ROBO2: variants seen among roughly 807,000 people sequenced by gnomAD.
The protein encoded by ROBO2 is roundabout homolog 2.
In ROBO2, 53 loss-of-function variants were observed where a neutral mutation model predicts 160.8. That is an observed-to-expected ratio of 0.33 (90% CI 0.26 to 0.41). ROBO2 has a LOEUF of 0.41. Ranked by LOEUF, ROBO2 falls within the 10% of genes least tolerant of loss-of-function variation. The probability of loss-of-function intolerance (pLI) is 1.00; values close to 1 mark genes in which losing one functional copy is unlikely to be tolerated. For synonymous variants in ROBO2, 664 were observed against 611.7 expected (o/e 1.09, Z -1.26); for missense variants, 1,577 against 1,722.4 (o/e 0.92, Z 1.49).
chr3:77,164,256 C>G (rs942538583), intron 2 of ROBO2, among the ~76,000 whole-genome samples: 3 of 152,150 alleles, frequency 2.0e-5, no homozygotes, highest in Non-Finnish European at 4.4e-5. Flanking sequence ...TTGAACCAGA[C>G]GTAGAAAATG....
chr3:76,553,874 T>C (rs1353000374), intron 2 of ROBO2, among the ~76,000 whole-genome samples: 1 of 152,206 alleles, frequency 6.6e-6, no homozygotes, highest in Non-Finnish European at 1.5e-5. Flanking sequence ...AAATGCTTGC[T>C]AATGCTCATT....
intron 2 of ROBO2, among the ~76,000 whole-genome samples, chr3:76,647,099 C>A (rs2091008141): frequency 6.6e-6 from 1 of 152,122 alleles, no homozygotes; most frequent in South Asian, 2.1e-4. Context: ...GAGGAGGCTG[C>A]GTTGCTCGTC....
chr3:76,336,545 A>G (rs1470209683), intron 2 of ROBO2, among the ~76,000 whole-genome samples: 1 of 152,206 alleles, frequency 6.6e-6, no homozygotes, highest in Non-Finnish European at 1.5e-5. Context: ...TTTGAAGAAT[A>G]CTGCAGTGGC....
intron 2 of ROBO2, among the ~76,000 whole-genome samples, chr3:76,602,712 G>T (rs2087251908): frequency 6.6e-6 from 1 of 151,544 alleles, no homozygotes; most frequent in African/African-American, 2.4e-5. Flanking sequence ...GATTTGGGTG[G>T]GGACTCCCAC....
At chr3:77,136,699 T>C (rs1228109106) in intron 2 of ROBO2, among the ~76,000 whole-genome samples, 3 of 150,992 alleles carry the variant, frequency 2.0e-5, no homozygotes, top group East Asian at 2.0e-4. Context: ...TGCAGTGGCA[T>C]GGTCTTGGCT....
chr3:76,948,071 G>A (rs188669570), intron 2 of ROBO2, among the ~76,000 whole-genome samples: 2 of 152,118 alleles, frequency 1.3e-5, no homozygotes, highest in African/African-American at 4.8e-5. Flanking sequence ...TCCATTTTAG[G>A]TTATCTGAAA....
chr3:76,148,321 T>G (rs1430203003), intron 2 of ROBO2, among the ~76,000 whole-genome samples: 1 of 152,066 alleles, frequency 6.6e-6, no homozygotes, highest in Non-Finnish European at 1.5e-5. Context: ...ATACACCATC[T>G]ATCTCATCCC....
intron 2 of ROBO2, among the ~76,000 whole-genome samples, chr3:77,432,856 G>C (rs565345650): frequency 6.6e-6 from 1 of 152,106 alleles, no homozygotes; most frequent in Admixed American, 6.5e-5. Context: ...GTATTTTCCC[G>C]TCCCTCCAGA....
intron 2 of ROBO2, among the ~76,000 whole-genome samples, chr3:76,077,068 G>A (rs2068666433): frequency 6.6e-6 from 1 of 152,068 alleles, no homozygotes; most frequent in Non-Finnish European, 1.5e-5. Flanking sequence ...TTTTATTTTA[G>A]TTGTTGTTGA....
intron 2 of ROBO2, among the ~76,000 whole-genome samples, chr3:77,233,369 A>T (rs955869944): frequency 2.6e-5 from 4 of 152,156 alleles, no homozygotes; most frequent in Admixed American, 2.6e-4. Context: ...TACAGGTAGC[A>T]CATCTGAAGC....
At chr3:76,627,484 G>A (rs994248915) in intron 2 of ROBO2, among the ~76,000 whole-genome samples, 1 of 152,218 alleles carries the variant, frequency 6.6e-6, no homozygotes, top group Non-Finnish European at 1.5e-5. Context: ...GCATGCAGAT[G>A]ATGGCTGCTA....
intron 2 of ROBO2, among the ~76,000 whole-genome samples, chr3:77,196,925 C>A (rs1161868768): frequency 2.0e-5 from 3 of 147,926 alleles, no homozygotes; most frequent in Admixed American, 1.3e-4. Context: ...AATATGAGAA[C>A]AATTTGGCTT....
chr3:76,721,539 T>C (rs187318872), intron 2 of ROBO2, among the ~76,000 whole-genome samples: 3,440 of 152,332 alleles, frequency 0.023, 108 homozygotes, highest in African/African-American at 0.07. Context: ...CTCATTTATT[T>C]CATCTTCTTT....
intron 2 of ROBO2, among the ~76,000 whole-genome samples, chr3:76,049,208 A>G (rs1175981007): frequency 6.6e-6 from 1 of 151,064 alleles, no homozygotes; most frequent in East Asian, 2.0e-4. Flanking sequence ...ATTTATCACA[A>G]GCATTTTCTG....
At chr3:77,252,161 C>T (rs77707953) in intron 2 of ROBO2, among the ~76,000 whole-genome samples, 3,436 of 152,230 alleles carry the variant, frequency 0.023, 158 homozygotes, top group African/African-American at 0.078. Context: ...TTCAGTCTTA[C>T]GACGTGAACA....
chr3:77,463,166 A>G (rs765309995), intron 2 of ROBO2, among the ~76,000 whole-genome samples: 23 of 152,292 alleles, frequency 1.5e-4, no homozygotes, highest in Non-Finnish European at 2.6e-4. Flanking sequence ...ACTTGAATTT[A>G]AAAAGTGGGT....
intron 13 of ROBO2, among the ~76,000 whole-genome samples, chr3:77,573,562 T>G (rs2093689055): frequency 6.6e-6 from 1 of 152,026 alleles, no homozygotes; most frequent in Admixed American, 6.6e-5. Context: ...TTAGTAAAAG[T>G]TTTTCATTTA....
chr3:76,377,992 C>T (rs1000732864), intron 2 of ROBO2, among the ~76,000 whole-genome samples: 2 of 152,114 alleles, frequency 1.3e-5, no homozygotes, highest in Non-Finnish European at 2.9e-5. Context: ...TAACATCACC[C>T]TCTGCCACTC....
intron 2 of ROBO2, among the ~76,000 whole-genome samples, chr3:77,154,192 T>C (rs1461164191): frequency 6.6e-6 from 1 of 152,042 alleles, no homozygotes; most frequent in Non-Finnish European, 1.5e-5. Flanking sequence ...CTTGAAAAAA[T>C]ACACATAGTT....
Sources: gnomAD v4.1 joint callset for allele counts (sites outside exome capture counted in the v4.1 genomes callset) on GRCh38, gnomAD v4.1.1 for gene constraint, MANE v1.5 for transcripts, NCBI Gene and HGNC (gene_info 2026-07-23, HGNC 2026-07-21) for gene names.